The following MTA3 variants were observed in gnomAD, a reference collection of about 807,000 sequenced individuals.
MTA3 encodes the protein metastasis-associated protein MTA3.
Under a neutral mutation model 83.5 loss-of-function variants are expected in MTA3, and 34 were observed. The observed-to-expected ratio is 0.41, with a 90% CI of 0.31 to 0.54. MTA3 has a LOEUF of 0.54. MTA3 is among the 20% of genes least tolerant of loss of function. MTA3 has a pLI of 0.33. For missense variants in MTA3, 761 were observed against 726.4 expected (o/e 1.05, Z -0.55); for synonymous variants, 303 against 252.7 (o/e 1.20, Z -1.89).
At chr2:42,497,509 C>T (rs1278461215) in intron 2 of MTA3, among the ~76,000 whole-genome samples, 3 of 150,574 alleles carry the variant, frequency 2.0e-5, no homozygotes, top group Admixed American at 6.6e-5. Flanking sequence ...CGCTTGAACC[C>T]GGGAGGCAGA....
At chr2:42,570,242 G>A (rs757861206) in intron 1 of MTA3, among the ~76,000 whole-genome samples, 195 bp from the exon 2 acceptor site, 1 of 152,140 alleles carries the variant, frequency 6.6e-6, no homozygotes, top group African/African-American at 2.4e-5. Context: ...AAATGAAAAT[G>A]CCAAGAAAAT....
At chr2:42,566,809 T>C (rs937367619), upstream of MTA3, among the ~76,000 whole-genome samples, 2 of 152,236 alleles carry the variant, frequency 1.3e-5, no homozygotes, top group African/African-American at 4.8e-5. Context: ...TTGCACTTTA[T>C]GGTTTCTAGG....
intron 2 of MTA3, among the ~76,000 whole-genome samples, chr2:42,553,671 G>T (rs1163198374): frequency 1.3e-5 from 2 of 148,796 alleles, no homozygotes; most frequent in South Asian, 2.1e-4. Flanking sequence ...GGAGGTAGAG[G>T]TTGCAGTGAG....
intron 2 of MTA3, among the ~76,000 whole-genome samples, chr2:42,575,376 G>A (rs183584552): frequency 6.6e-6 from 1 of 152,270 alleles, no homozygotes; most frequent in East Asian, 1.9e-4. Context: ...ATAGTGGCTG[G>A]CACATAGTTA....
At chr2:42,525,607 C>T (rs1226741303) in intron 2 of MTA3, among the ~76,000 whole-genome samples, 22 of 135,944 alleles carry the variant, frequency 1.6e-4, no homozygotes, top group Non-Finnish European at 2.5e-4. Context: ...CCTTCCTTTC[C>T]TTCCTTCCTT....
At chr2:42,694,080 C>T (rs980452269) in intron 9 of MTA3, among the ~76,000 whole-genome samples, 1 of 152,176 alleles carries the variant, frequency 6.6e-6, no homozygotes, top group South Asian at 2.1e-4. Flanking sequence ...ATGGGGGCCT[C>T]ACGACTCTGC....
chr2:42,653,143 C>G (rs1301138767), intron 6 of MTA3, among the ~76,000 whole-genome samples: 1 of 152,050 alleles, frequency 6.6e-6, no homozygotes, highest in African/African-American at 2.4e-5. Context: ...CACAATTAAA[C>G]GAAGCAAAAA....
intron 2 of MTA3, among the ~76,000 whole-genome samples, chr2:42,527,388 C>T (rs1278262878): frequency 6.6e-6 from 1 of 152,138 alleles, no homozygotes; most frequent in Admixed American, 6.6e-5. Context: ...GTTCTTTGGA[C>T]CACACCTTCT....
At chr2:42,675,021 C>T (rs72801631) in intron 8 of MTA3, among the ~76,000 whole-genome samples, 3,247 of 152,138 alleles carry the variant, frequency 0.021, 44 homozygotes, top group Non-Finnish European at 0.033. Flanking sequence ...GTCTCGAACT[C>T]CTGCCTTGGC....
chr2:42,574,083 G>T (rs946561256), intron 2 of MTA3, among the ~76,000 whole-genome samples: 34 of 150,728 alleles, frequency 2.3e-4, no homozygotes, highest in African/African-American at 7.8e-4. Context: ...TGATCCGCCT[G>T]CCTCGGCCTC....
At chr2:42,521,553 T>A (rs897851624) in intron 2 of MTA3, among the ~76,000 whole-genome samples, 7 of 152,134 alleles carry the variant, frequency 4.6e-5, no homozygotes, top group African/African-American at 1.7e-4. Context: ...CTCAAACTAG[T>A]TGTAGTACAA....
In MTA3 at chr2:42,594,705, C is replaced by CAT. The variant is rs1167117095; in HGVS notation, c.191-14730_191-14729dup. 9.6e-3 allele frequency among the ~76,000 whole-genome samples: 444 copies of CAT among 46,464 alleles called. 24 individuals carry two copies. The highest frequency in any genetic ancestry group is 9.9e-3 in the Admixed American group (22 of 2,232). The allele number at this position is 46,464 out of a possible 152,430, so 30.5% of individuals were successfully genotyped here. ...ATACATATATACATATATAAATATACATATATATATATATATATATATATT... is the reference window on the plus strand; with the variant it reads ...ATACATATATACATATATAAATATACATATATATATATATATATATATATATT... On this transcript the variant is annotated intron_variant, in intron 3 of 16. Coordinates refer to ENST00000405094, the MANE Select transcript of MTA3 (RefSeq NM_001330442.2).
intron 2 of MTA3, among the ~76,000 whole-genome samples, chr2:42,540,820 G>A (rs1234558099): frequency 6.8e-6 from 1 of 147,946 alleles, no homozygotes; most frequent in Admixed American, 6.8e-5. Flanking sequence ...GGGTGGCAGA[G>A]CAAGACCCTG....
At chr2:42,531,238 C>A (rs1675950538) in intron 2 of MTA3, among the ~76,000 whole-genome samples, 1 of 152,120 alleles carries the variant, frequency 6.6e-6, no homozygotes, top group Admixed American at 6.6e-5. Context: ...CTCCAGAACC[C>A]CACATAAGCT....
chr2:42,705,075 C>A (rs1378253314), intron 12 of MTA3, among the ~76,000 whole-genome samples: 1 of 152,066 alleles, frequency 6.6e-6, no homozygotes. Context: ...CTTAGTAGCT[C>A]TTTGAGAGTA....
At chr2:42,636,984 A>G (rs1159168752) in intron 4 of MTA3, among the ~76,000 whole-genome samples, 1 of 152,170 alleles carries the variant, frequency 6.6e-6, no homozygotes, top group Non-Finnish European at 1.5e-5. Flanking sequence ...TATAACCTGT[A>G]TGCACATTTT....
chr2:42,505,437 C>T (rs1674587670), intron 2 of MTA3, among the ~76,000 whole-genome samples: 1 of 151,992 alleles, frequency 6.6e-6, no homozygotes, highest in South Asian at 2.1e-4. Flanking sequence ...ACCTAAGGTT[C>T]CAAAGCTAAC....
chr2:42,710,039 G>C (rs1666467720), intron 14 of MTA3, among the ~76,000 whole-genome samples: 3 of 152,030 alleles, frequency 2.0e-5, no homozygotes, highest in Admixed American at 6.6e-5. Context: ...TTCCTTAAGG[G>C]GTGACAAAAC....
intron 14 of MTA3, among the ~76,000 whole-genome samples, chr2:42,714,967 C>T (rs1199658169): frequency 2.6e-5 from 4 of 152,192 alleles, no homozygotes; most frequent in Non-Finnish European, 5.9e-5. Context: ...AGGCCTGGGG[C>T]TTGGGGACCC....
Sources: allele counts gnomAD v4.1 joint callset (sites outside exome capture counted in the v4.1 genomes callset), GRCh38; gene constraint gnomAD v4.1.1; transcripts MANE v1.5; gene names NCBI Gene and HGNC (gene_info 2026-07-23, HGNC 2026-07-21).